GUCY1A2: variants seen among roughly 807,000 people sequenced by gnomAD.
GUCY1A2 encodes the protein guanylate cyclase soluble subunit alpha-2.
Under a neutral mutation model 63.5 loss-of-function variants are expected in GUCY1A2, and 27 were observed. The ratio of observed to expected loss-of-function variants is 0.43; its 90% CI spans 0.31 to 0.59. The LOEUF is 0.59. Ranked by LOEUF, GUCY1A2 falls within the 20% of genes least tolerant of loss-of-function variation. The probability of loss-of-function intolerance (pLI) is 0.11; values close to 1 mark genes in which losing one functional copy is unlikely to be tolerated. For missense variants in GUCY1A2, 768 were observed against 913.3 expected (o/e 0.84, Z 2.05); for synonymous variants, 364 against 343.5 (o/e 1.06, Z -0.66).
rs1181883675 is a variant in GUCY1A2 at position 106,986,089 on chromosome 11, A to T, written c.346T>A (p.Tyr116Asn). The T allele has an allele frequency of 1.3e-6, 2 of 1,490,058 alleles. No individual in the cohort carries two copies. 92.3% of individuals were successfully genotyped at this position (1,490,058 alleles called of 1,614,324 possible). The change falls in exon 2 of 8, where the codon TAT (tyrosine) becomes AAT (asparagine). Residue 116 changes from tyrosine (Y) to asparagine (N), a missense_variant. Coordinates refer to ENST00000526355, the MANE Select transcript of GUCY1A2 (RefSeq NM_000855.3). ...ACTTACCCAATAACTTGATGTTCAT[A>T]ATACTGCAGTGTCCTCTTGAGAGTC... ...QQTLKRTLQY[Y>N]EHQVIGYRDA...
intron 4 of GUCY1A2, among the ~76,000 whole-genome samples, chr11:106,914,993 T>C (rs967929251): frequency 6.6e-6 from 1 of 152,072 alleles, no homozygotes; most frequent in Admixed American, 6.6e-5. Context: ...CAACCTAGAA[T>C]TGTATGTACA....
intron 4 of GUCY1A2, chr11:106,827,220 T>C: frequency 6.5e-7 from 1 of 1,528,068 alleles, no homozygotes; most frequent in Non-Finnish European, 9.1e-7. Context: ...CTGATTTAGA[T>C]TTGCTTCTAG....
chr11:106,896,945 G>A (rs1860058692), intron 4 of GUCY1A2, among the ~76,000 whole-genome samples: 1 of 152,144 alleles, frequency 6.6e-6, no homozygotes, highest in Admixed American at 6.6e-5. Flanking sequence ...TATCTATGTA[G>A]AAAATTCAAA....
intron 4 of GUCY1A2, among the ~76,000 whole-genome samples, chr11:106,837,836 C>G (rs1433943453): frequency 3.3e-5 from 5 of 151,918 alleles, no homozygotes; most frequent in African/African-American, 1.2e-4. Flanking sequence ...CCCCACCATA[C>G]TATTAGTTTC....
intron 4 of GUCY1A2, among the ~76,000 whole-genome samples, chr11:106,911,490 TA>T (rs1198532229): frequency 5.3e-5 from 8 of 152,092 alleles, no homozygotes; most frequent in African/African-American, 1.2e-4. Flanking sequence ...AAATAAACAA[TA>T]AACAGAAGCA....
chr11:106,746,531 C>CTATA, intron 6 of GUCY1A2: 6 of 1,400,326 alleles, frequency 4.3e-6, no homozygotes, highest in Non-Finnish European at 6.0e-6. Context: ...TTCCTTCTCC[C>CTATA]TATAAGTGAA....
chr11:106,990,573 GTCTC>G (rs536249510), intron 1 of GUCY1A2, among the ~76,000 whole-genome samples: 2 of 151,882 alleles, frequency 1.3e-5, no homozygotes, highest in African/African-American at 2.4e-5. Flanking sequence ...GTAAAGATGT[GTCTC>G]TCTCTCTCTG....
intron 6 of GUCY1A2, among the ~76,000 whole-genome samples, chr11:106,745,588 G>A (rs1490509671): frequency 1.3e-5 from 2 of 152,096 alleles, no homozygotes; most frequent in Non-Finnish European, 2.9e-5. Context: ...TTATTTTGTA[G>A]CAACAGGAGC....
At chr11:106,736,024 G>A (rs1863583938) in intron 6 of GUCY1A2, among the ~76,000 whole-genome samples, 1 of 151,786 alleles carries the variant, frequency 6.6e-6, no homozygotes, top group African/African-American at 2.4e-5. Context: ...TACATATTCT[G>A]GTTTTTAATC....
intron 6 of GUCY1A2, among the ~76,000 whole-genome samples, chr11:106,763,338 G>T (rs551152888): frequency 5.5e-4 from 83 of 152,000 alleles, no homozygotes; most frequent in South Asian, 1.0e-3. Flanking sequence ...TCCCGAGAGT[G>T]GGGGGCAGTG....
intron 6 of GUCY1A2, among the ~76,000 whole-genome samples, chr11:106,739,898 C>G (rs1325960106): frequency 6.6e-6 from 1 of 152,042 alleles, no homozygotes; most frequent in Non-Finnish European, 1.5e-5. Context: ...GTAGCTAAAA[C>G]CAGAGTTTAG....
At chr11:106,936,673 C>T in intron 4 of GUCY1A2, 1 of 1,532,070 alleles carries the variant, frequency 6.5e-7, no homozygotes, top group South Asian at 1.2e-5. Flanking sequence ...AATCCTGCCA[C>T]TGATAACTGC....
chr11:106,864,605 T>A (rs943722024), intron 4 of GUCY1A2, among the ~76,000 whole-genome samples: 1 of 152,080 alleles, frequency 6.6e-6, no homozygotes, highest in Admixed American at 6.6e-5. Context: ...CAATACCTAG[T>A]TGAGAGTTTT....
At chr11:106,714,197 G>A (rs1051830219) in intron 6 of GUCY1A2, among the ~76,000 whole-genome samples, 3 of 151,746 alleles carry the variant, frequency 2.0e-5, no homozygotes, top group Admixed American at 1.3e-4. Context: ...TCCTTGAGGG[G>A]GCAGAGGGTC....
chr11:106,839,496 A>G (rs571246328), intron 4 of GUCY1A2, among the ~76,000 whole-genome samples: 44 of 152,170 alleles, frequency 2.9e-4, no homozygotes, highest in African/African-American at 1.0e-3. Context: ...TGACCCAGCC[A>G]TCCCATTACT....
intron 4 of GUCY1A2, among the ~76,000 whole-genome samples, chr11:106,897,677 G>C (rs57296806): frequency 0.1 from 15,715 of 151,266 alleles, 918 homozygotes; most frequent in African/African-American, 0.15. Flanking sequence ...ATTGAATCTA[G>C]ATACAGACCT....
chr11:107,017,819 CA>C lies in GUCY1A2; in HGVS notation c.236del (p.Val79GlyfsTer19), dbSNP rs1861845397. On this transcript the variant is annotated frameshift_variant, in exon 1 of 8. Coordinates refer to ENST00000526355, the MANE Select transcript of GUCY1A2 (RefSeq NM_000855.3). LOFTEE classifies it high-confidence loss of function. ...CCAGGTTGACCCGCCTCCGGCGCTG[CA>C]CCCTCCTGGCCCCGGCAGTGGCAGC... ...AAAATAGARR[V>X]QRRRRVNLDS... The C allele has an allele frequency of 7.1e-7, 1 of 1,409,852 alleles. No individual in the cohort carries two copies. The highest frequency in any genetic ancestry group is 9.3e-7 in the Non-Finnish European group (1 of 1,080,806). The allele number at this position is 1,409,852 out of a possible 1,614,324, so 87.3% of individuals were successfully genotyped here.
chr11:106,865,363 T>A (rs777172833), intron 4 of GUCY1A2, among the ~76,000 whole-genome samples: 1 of 151,938 alleles, frequency 6.6e-6, no homozygotes, highest in Non-Finnish European at 1.5e-5. Flanking sequence ...TTTTGAAGGG[T>A]TTTTTGTGTC....
chr11:106,705,662 C>A (rs1000001051), intron 7 of GUCY1A2, among the ~76,000 whole-genome samples: 2 of 152,062 alleles, frequency 1.3e-5, no homozygotes, highest in Non-Finnish European at 2.9e-5. Flanking sequence ...AGATGGAGAC[C>A]ATCCTGGCTA....
Sources: gnomAD v4.1 joint callset for allele counts (sites outside exome capture counted in the v4.1 genomes callset) on GRCh38, gnomAD v4.1.1 for gene constraint, MANE v1.5 for transcripts, NCBI Gene and HGNC (gene_info 2026-07-23, HGNC 2026-07-21) for gene names.